Variants in ZFC3H1 observed in about 807,000 individuals in gnomAD.
ZFC3H1 encodes the protein zinc finger C3H1 domain-containing protein.
Under a neutral mutation model 243.7 loss-of-function variants are expected in ZFC3H1, and 71 were observed. The observed-to-expected ratio is 0.29, with a 90% CI of 0.24 to 0.36. The LOEUF (loss-of-function observed/expected upper bound fraction) is 0.36. Ranked by LOEUF, ZFC3H1 falls within the 10% of genes least tolerant of loss-of-function variation. ZFC3H1 has a pLI of 1.00. For synonymous variants in ZFC3H1, 838 were observed against 813.0 expected, an observed-to-expected ratio of 1.03 and a Z score of -0.52; for missense variants, 1,966 against 2,317.1, an observed-to-expected ratio of 0.85 and a Z score of 3.11.
chr12:71,610,260 G>A lies in ZFC3H1; in HGVS notation c.*168C>T, dbSNP rs1365579079. 2.6e-6 allele frequency: 2 copies of A among 771,296 alleles called. No individual in the cohort carries two copies. Among genetic ancestry groups the A allele is most frequent in the African/African-American group, 1.8e-5 (1 of 56,572 alleles). 47.8% of individuals were successfully genotyped at this position (771,296 alleles called of 1,614,324 possible). Reference sequence around the variant, plus strand: ...CATTTATCCAACCGAAGAGGATCATGTTCATTGCTTCCGGTTTTGAGGACA... The same window carrying A: ...CATTTATCCAACCGAAGAGGATCATATTCATTGCTTCCGGTTTTGAGGACA... On this transcript the variant is annotated 3_prime_UTR_variant, in exon 35 of 35. Coordinates refer to ENST00000378743, the MANE Select transcript of ZFC3H1 (RefSeq NM_144982.5).
At chr12:71,635,371 T>G in intron 10 of ZFC3H1, 72 bp downstream of exon 10, 1 of 1,511,710 alleles carries the variant, frequency 6.6e-7, no homozygotes, top group South Asian at 1.4e-5. Flanking sequence ...ATGGTTTAAT[T>G]TTCAGGAAAA....
intron 18 of ZFC3H1, among the ~76,000 whole-genome samples, chr12:71,629,914 T>TAA (rs146148589): frequency 2.8e-5 from 4 of 143,886 alleles, no homozygotes; most frequent in African/African-American, 7.7e-5. Flanking sequence ...CATTTGGGAT[T>TAA]AAAAAAAAAA....
chr12:71,644,406 A>T (rs372191472), intron 4 of ZFC3H1, 88 bp from the exon 5 acceptor site: 1 of 1,331,810 alleles, frequency 7.5e-7, no homozygotes, highest in East Asian at 2.4e-5. Flanking sequence ...TTATTGATTA[A>T]TCAGTGATGA....
Position 71,630,935 on chromosome 12 carries a change from T to G in ZFC3H1, c.3490A>C (p.Thr1164Pro). 6.2e-7 allele frequency: 1 copy of G among 1,611,882 alleles called. No individual in the cohort carries two copies. The highest frequency in any genetic ancestry group is 8.5e-7 in the Non-Finnish European group (1 of 1,178,514). The change falls in exon 17 of 35, where the codon ACC becomes CCC. Residue 1164 changes from threonine (T) to proline (P), a missense_variant. By Grantham distance (38) the Thr-to-Pro change is conservative. Coordinates refer to ENST00000378743, the MANE Select transcript of ZFC3H1 (RefSeq NM_144982.5). ...KSYRFSPYYR[T>P]KEKLPLSSVS... ...GAGCTCAGGGGAAGTTTTTCCTTGG[T>G]TCGATAATATGGACTAAATCTAAGG...
In ZFC3H1 at chr12:71,619,340, T is replaced by C; in HGVS notation, c.5119A>G (p.Lys1707Glu). Residue 1707 changes from lysine (K) to glutamate (E), a missense_variant, in exon 27 of 35, where the codon AAG (lysine) becomes GAG (glutamate). This residue lies in a region of ZFC3H1 where 1,383 missense variants were observed against 1,723.7 expected (regional missense o/e 0.80). Coordinates refer to ENST00000378743, the MANE Select transcript of ZFC3H1 (RefSeq NM_144982.5). ...IASFFKPGFEKYNNLDLFRYL... is the reference protein window; with the variant it reads ...IASFFKPGFEEYNNLDLFRYL... ...CGAAACAGATCCAAGTTATTATACT[T>C]CTCAAACCCCGGTTTAAAGAAGGAT... 6.2e-7 allele frequency: 1 copy of C among 1,613,730 alleles called. No homozygotes were observed. The highest frequency in any genetic ancestry group is 8.5e-7 in the Non-Finnish European group (1 of 1,179,804).
chr12:71,622,498 T>C lies in ZFC3H1; in HGVS notation c.4744+862A>G, dbSNP rs541128705. On this transcript the variant is annotated intron_variant, in intron 24 of 34. Coordinates refer to ENST00000378743, the MANE Select transcript of ZFC3H1 (RefSeq NM_144982.5). Reference sequence around the variant, plus strand: ...TTTTTTTAGAGACTGAGTCTCACTCTGTTATCCAGGCTGAAGTACAATGGC... The same window carrying C: ...TTTTTTTAGAGACTGAGTCTCACTCCGTTATCCAGGCTGAAGTACAATGGC... Among the ~76,000 whole-genome samples the C allele has an allele frequency of 4.4e-4, 67 of 152,266 alleles. No homozygotes were observed. In the Middle Eastern group the frequency reaches 0.01, roughly 23 times the overall value.
chr12:71,615,294 G>T lies in ZFC3H1; in HGVS notation c.5167C>A (p.Pro1723Thr). Residue 1723 changes from proline to threonine, a missense_variant, in exon 28 of 35, where the codon CCA becomes ACA. Pro to Thr is a conservative substitution (Grantham distance 38, BLOSUM62 -1). Transcript: ENST00000378743. ...CATAAACGAGATGGAATGTCAATTG[G>T]TCCTGGAATATTTAAGAGATACCTG... Reference protein sequence around the residue: ...LFRYLLNIPGPIDIPSRLCKG... With the variant: ...LFRYLLNIPGTIDIPSRLCKG... 6.2e-7 allele frequency: 1 copy of T among 1,610,888 alleles called. No homozygotes were observed. Among genetic ancestry groups the T allele is most frequent in the Non-Finnish European group, 8.5e-7 (1 of 1,178,454 alleles).
rs765358099 is a variant in ZFC3H1 at position 71,663,410 on chromosome 12, G to A, written c.201C>T (p.Gly67=). 3.1e-6 allele frequency: 5 copies of A among 1,611,728 alleles called. No individual in the cohort carries two copies. Among genetic ancestry groups the A allele is most frequent in the Non-Finnish European group, 4.2e-6 (5 of 1,180,016 alleles). ...PPHSARGGGS[G]GGGGSSSSSS... is the part of the protein sequence containing the mutation. ...ATGACGAGGAAGAGCCACCGCCTCC[G>A]CCAGATCCACCGCCCCGGGCCGAGT... The change falls in exon 1 of 35, where the codon GGC becomes GGT. Residue 67 remains glycine (G), a synonymous_variant. Coordinates refer to ENST00000378743, the MANE Select transcript of ZFC3H1 (RefSeq NM_144982.5).
intron 33 of ZFC3H1, 52 bp from the exon 34 acceptor site, chr12:71,610,809 C>T (rs1879749518): frequency 6.5e-7 from 1 of 1,533,680 alleles, no homozygotes; most frequent in Non-Finnish European, 8.9e-7. Context: ...TGAAAAACAC[C>T]TTCATAATTC....
chr12:71,623,455 G>T lies in ZFC3H1; in HGVS notation c.4649C>A (p.Pro1550His), dbSNP rs1404097084. ...TGATTCAGTGTTAACAATTCTTGAA[G>T]GATTATCATTAGATGGATCATAAAA... ...SKFYDPSNDN[P>H]SRIVNTESFV... Residue 1550 changes from proline (P) to histidine (H), a missense_variant, in exon 24 of 35, where the codon CCT (proline) becomes CAT (histidine). By Grantham distance (77) the Pro-to-His change is moderately conservative. Around this residue, in one of 4 missense-constraint regions of ZFC3H1, gnomAD observed 1,383 missense variants for 1,723.7 expected, o/e 0.80. Transcript: ENST00000378743. 1 of 1,613,710 alleles carries T rather than the reference G, an allele frequency of 6.2e-7. No individual in the cohort carries two copies.
chr12:71,652,680 T>G (rs1317390741), intron 2 of ZFC3H1, among the ~76,000 whole-genome samples: 2 of 152,180 alleles, frequency 1.3e-5, no homozygotes, highest in African/African-American at 4.8e-5. Context: ...TTATACTCCA[T>G]GATAGAGATT....
At position 71,635,433 on chromosome 12, in the gene ZFC3H1, T is replaced by G; in HGVS notation, c.2238+10A>C. Reference sequence around the variant, plus strand: ...TCATCTTTCTTTCCACCTTTAATTATTGCACTTACCTCAGCAGTTCGTCTT... The same window carrying G: ...TCATCTTTCTTTCCACCTTTAATTAGTGCACTTACCTCAGCAGTTCGTCTT... On this transcript the variant is annotated intron_variant, in intron 10 of 34. Coordinates refer to ENST00000378743, the MANE Select transcript of ZFC3H1 (RefSeq NM_144982.5). The G allele has an allele frequency of 6.4e-7, 1 of 1,561,584 alleles. No homozygotes were observed.
At chr12:71,655,824 G>C (rs1446844623) in intron 2 of ZFC3H1, among the ~76,000 whole-genome samples, 1 of 152,048 alleles carries the variant, frequency 6.6e-6, no homozygotes, top group African/African-American at 2.4e-5. Context: ...AAAAAGAGGG[G>C]GGGGAAATTA....
chr12:71,641,522 A>G (rs924569228), intron 6 of ZFC3H1, among the ~76,000 whole-genome samples: 5 of 152,308 alleles, frequency 3.3e-5, no homozygotes, highest in African/African-American at 1.2e-4. Context: ...AGTGTTTTAA[A>G]TTATTTGTGA....
Position 71,663,761 on chromosome 12 carries a change from A to G in ZFC3H1, c.-151T>C, listed in dbSNP as rs1221058764. The G allele has an allele frequency of 5.0e-6, 4 of 796,472 alleles. No homozygotes were observed. In the African/African-American group the frequency reaches 7.0e-5, roughly 14 times the overall value. The allele number at this position is 796,472 out of a possible 1,614,324, so 49.3% of individuals were successfully genotyped here. A position where few individuals can be genotyped will look rare whatever the true frequency, so the allele number is the denominator to read the frequency against. ...GGCCTCTGCTCCCCAACTTCCCCGC[A>G]CCCCAGCACCCCAGCTCTCTCTCGC... is the stretch of plus-strand genomic sequence containing the variant. On this transcript the variant is annotated 5_prime_UTR_variant, in exon 1 of 35. Transcript: ENST00000378743.
intron 1 of ZFC3H1, among the ~76,000 whole-genome samples, chr12:71,658,547 C>T (rs924625976): frequency 6.6e-6 from 1 of 152,008 alleles, no homozygotes; most frequent in African/African-American, 2.4e-5. Flanking sequence ...CCTTGACCTC[C>T]CAAAGTGCCG....
At position 71,632,521 on chromosome 12, in the gene ZFC3H1, G is replaced by T; in HGVS notation, c.2818-7C>A. 1 of 1,538,128 alleles carries T rather than the reference G, an allele frequency of 6.5e-7. No individual in the cohort carries two copies. The highest frequency in any genetic ancestry group is 8.6e-7 in the Non-Finnish European group (1 of 1,156,120). On this transcript the variant is annotated splice_polypyrimidine_tract_variant and splice_region_variant and intron_variant, in intron 14 of 34. Transcript: ENST00000378743. ...GTCTCATCATTTTGTTTGGCTAAGG[G>T]AGAAAAATGATACACGTATTTTACA...
At chr12:71,629,388 A>G (rs1255929033) in intron 19 of ZFC3H1, among the ~76,000 whole-genome samples, 1 of 151,956 alleles carries the variant, frequency 6.6e-6, no homozygotes, top group Non-Finnish European at 1.5e-5. Context: ...GCTGGTCTCG[A>G]ACTCCTAACC....
chr12:71,663,470 G>A lies in ZFC3H1; in HGVS notation c.141C>T (p.Gly47=), dbSNP rs560842729. ...TTCGCCGCGGATAGGGTAACAGCCC[G>A]CCGCCGCTGCTGCTGCTGCTGCTCC... ...RSRSSSSSSG[G]GLLPYPRRRP... is the part of the protein sequence containing the mutation. The change falls in exon 1 of 35, where the codon GGC becomes GGT. Residue 47 remains glycine, a synonymous_variant. Transcript: ENST00000378743. The A allele has an allele frequency of 3.2e-5, 52 of 1,612,674 alleles. No individual in the cohort carries two copies. In the South Asian group the frequency reaches 5.3e-4, roughly 16 times the overall value.
Sources: allele counts gnomAD v4.1 joint callset (sites outside exome capture counted in the v4.1 genomes callset), GRCh38; gene constraint gnomAD v4.1.1; regional missense constraint gnomAD v4.1.1; transcripts MANE v1.5; gene names NCBI Gene and HGNC (gene_info 2026-07-23, HGNC 2026-07-21).